TXNL4A: variants seen among roughly 807,000 people sequenced by gnomAD.
The protein encoded by TXNL4A is thioredoxin-like protein 4A.
Under a neutral mutation model 14.6 loss-of-function variants are expected in TXNL4A, and 17 were observed. The ratio of observed to expected loss-of-function variants is 1.16; its 90% CI spans 0.80 to 1.74. The LOEUF is 1.74. Among genes scored for constraint, TXNL4A ranks in the 40% most tolerant of loss-of-function variants. The pLI is 0.00. For missense variants in TXNL4A, 74 were observed against 195.2 expected, an observed-to-expected ratio of 0.38 and a Z score of 3.70; for synonymous variants, 83 against 70.6, an observed-to-expected ratio of 1.18 and a Z score of -0.88.
chr18:80,009,462 T>C (rs1234272000), intron 1 of TXNL4A, among the ~76,000 whole-genome samples: 1 of 152,166 alleles, frequency 6.6e-6, no homozygotes, highest in Admixed American at 6.5e-5. Context: ...GTGGATCCTC[T>C]CAAGTTTGTC....
chr18:80,018,047 T>TA (rs1283752221), intron 1 of TXNL4A, among the ~76,000 whole-genome samples: 1 of 152,090 alleles, frequency 6.6e-6, no homozygotes, highest in Non-Finnish European at 1.5e-5. Context: ...CAGATCCTGT[T>TA]ATTGGTCTAT....
intron 1 of TXNL4A, among the ~76,000 whole-genome samples, chr18:80,000,332 T>C (rs1177311578): frequency 6.6e-6 from 1 of 152,144 alleles, no homozygotes; most frequent in Non-Finnish European, 1.5e-5. Context: ...AAGGAACTTG[T>C]TGGGAACTAG....
chr18:79,997,766 A>G (rs996391827), intron 1 of TXNL4A, among the ~76,000 whole-genome samples: 1 of 152,190 alleles, frequency 6.6e-6, no homozygotes, highest in African/African-American at 2.4e-5. Flanking sequence ...CAGACACACT[A>G]TCTTCCTCCC....
chr18:80,023,315 G>A (rs749783788), intron 1 of TXNL4A, among the ~76,000 whole-genome samples: 2 of 152,080 alleles, frequency 1.3e-5, no homozygotes, highest in Non-Finnish European at 2.9e-5. Context: ...ACTGATAGAG[G>A]GACATAAAAG....
chr18:79,981,766 C>T (rs1272560109), intron 1 of TXNL4A, among the ~76,000 whole-genome samples: 1 of 152,240 alleles, frequency 6.6e-6, no homozygotes, highest in African/African-American at 2.4e-5. Context: ...AGCTCCGGCC[C>T]ACTGCATCTA....
At chr18:80,001,227 G>A (rs755004218) in intron 1 of TXNL4A, among the ~76,000 whole-genome samples, 42 of 152,306 alleles carry the variant, frequency 2.8e-4, no homozygotes, top group Non-Finnish European at 4.0e-4. Context: ...GGAGCCTGTG[G>A]GTGCACAGAA....
At chr18:80,032,345 A>G (rs1340890929) in intron 1 of TXNL4A, among the ~76,000 whole-genome samples, 2 of 152,088 alleles carry the variant, frequency 1.3e-5, no homozygotes, top group African/African-American at 4.8e-5. Context: ...GATTTTAAAG[A>G]AAAAAAAGGG....
upstream of TXNL4A, among the ~76,000 whole-genome samples, chr18:79,992,380 T>C (rs912631165): frequency 3.9e-5 from 6 of 152,124 alleles, no homozygotes; most frequent in African/African-American, 1.4e-4. Context: ...AAACATTTAA[T>C]AGGGACTTAT....
chr18:79,983,326 GC>G (rs1375945890), intron 1 of TXNL4A, among the ~76,000 whole-genome samples: 1 of 152,152 alleles, frequency 6.6e-6, no homozygotes, highest in Admixed American at 6.5e-5. Flanking sequence ...TTCTTTGATT[GC>G]CTTGAATTGT....
chr18:80,021,169 T>C (rs2051846085), intron 1 of TXNL4A, among the ~76,000 whole-genome samples: 1 of 144,426 alleles, frequency 6.9e-6, no homozygotes, highest in Admixed American at 7.4e-5. Flanking sequence ...CTAGTTAGCC[T>C]GGTTGGAGGG....
rs911395505 is a variant in TXNL4A, at chr18:79,988,433, G to C, written c.-41C>G. On this transcript the variant is annotated 5_prime_UTR_variant, in exon 1 of 3. Coordinates refer to ENST00000269601, the MANE Select transcript of TXNL4A (RefSeq NM_006701.5). ...CGCCGCCGCCCAAGGCGGGGCGCCA[G>C]GGAGGGCCCAGCGAGGTGGGCTCAG... The C allele has an allele frequency of 1.3e-5, 18 of 1,391,420 alleles. No individual in the cohort carries two copies. In the African/African-American group the frequency reaches 1.3e-4, roughly 10 times the overall value. 86.2% of individuals were successfully genotyped at this position (1,391,420 alleles called of 1,614,324 possible). A position where few individuals can be genotyped will look rare whatever the true frequency, so the allele number is the denominator to read the frequency against.
chr18:79,986,321 T>C (rs1253281210), intron 1 of TXNL4A, among the ~76,000 whole-genome samples: 2 of 152,214 alleles, frequency 1.3e-5, no homozygotes, highest in African/African-American at 2.4e-5. Flanking sequence ...AGACATGAAC[T>C]ACCGCGCCTG....
chr18:79,991,122 A>C (rs1206851875), upstream of TXNL4A, among the ~76,000 whole-genome samples: 5 of 152,072 alleles, frequency 3.3e-5, no homozygotes, highest in South Asian at 2.1e-4. Flanking sequence ...AAAAAAAAAA[A>C]AAAAAACTTT....
intron 1 of TXNL4A, among the ~76,000 whole-genome samples, chr18:80,024,751 G>A (rs12958715): frequency 2.0e-5 from 3 of 152,140 alleles, no homozygotes; most frequent in Non-Finnish European, 4.4e-5. Flanking sequence ...ATAAGGAACC[G>A]ACCCGTCCTG....
At chr18:80,009,904 G>A (rs1209746364) in intron 1 of TXNL4A, among the ~76,000 whole-genome samples, 1 of 152,136 alleles carries the variant, frequency 6.6e-6, no homozygotes, top group Non-Finnish European at 1.5e-5. Flanking sequence ...AGTGTTCCTA[G>A]AGGAAGGTCA....
chr18:80,023,532 A>G (rs1487990110), intron 1 of TXNL4A, among the ~76,000 whole-genome samples: 1 of 152,156 alleles, frequency 6.6e-6, no homozygotes, highest in Non-Finnish European at 1.5e-5. Flanking sequence ...TGCAACCAGC[A>G]TAAGAAAATT....
At chr18:79,975,659 T>C (rs547940841) in intron 2 of TXNL4A, among the ~76,000 whole-genome samples, 44 of 152,216 alleles carry the variant, frequency 2.9e-4, no homozygotes. Flanking sequence ...GAACACCTGG[T>C]GTGGGCTTGG....
At chr18:80,026,246 G>A (rs2051883652) in intron 1 of TXNL4A, among the ~76,000 whole-genome samples, 1 of 152,194 alleles carries the variant, frequency 6.6e-6, no homozygotes, top group Non-Finnish European at 1.5e-5. Context: ...GATTGCTGGA[G>A]TTATGCATGT....
chr18:79,988,425 G>C lies in TXNL4A; in HGVS notation c.-33C>G. On this transcript the variant is annotated 5_prime_UTR_variant, in exon 1 of 3. Coordinates refer to ENST00000269601, the MANE Select transcript of TXNL4A (RefSeq NM_006701.5). ...CGCGCGCTCGCCGCCGCCCAAGGCG[G>C]GGCGCCAGGGAGGGCCCAGCGAGGT... is the stretch of plus-strand genomic sequence containing the variant. The C allele has an allele frequency of 7.1e-7, 1 of 1,401,208 alleles. No homozygotes were observed. 86.8% of individuals were successfully genotyped at this position (1,401,208 alleles called of 1,614,324 possible). A position where few individuals can be genotyped will look rare whatever the true frequency, so the allele number is the denominator to read the frequency against.
Sources: allele counts gnomAD v4.1 joint callset (sites outside exome capture counted in the v4.1 genomes callset), GRCh38; gene constraint gnomAD v4.1.1; transcripts MANE v1.5; gene names NCBI Gene and HGNC (gene_info 2026-07-23, HGNC 2026-07-21).